Variants in ANK2 observed in about 807,000 individuals in gnomAD.
The protein encoded by ANK2 is ankyrin 2.
Under a neutral mutation model 360.5 loss-of-function variants are expected in ANK2, and 83 were observed. The observed-to-expected ratio is 0.23, with a 90% CI of 0.19 to 0.28. The LOEUF is 0.28. Ranked by LOEUF, ANK2 falls within the 10% of genes least tolerant of loss-of-function variation. The pLI is 1.00. For missense variants in ANK2, 4,201 were observed against 4,795.7 expected (o/e 0.88, Z 3.66); for synonymous variants, 1,740 against 1,759.5 (o/e 0.99, Z 0.28).
At chr4:113,336,164 G>A in intron 30 of ANK2, 107 bp downstream of exon 30, 1 of 1,176,976 alleles carries the variant, frequency 8.5e-7, no homozygotes, top group East Asian at 2.5e-5. Flanking sequence ...CACCAAAAAG[G>A]AAGGTAGCAT....
At chr4:113,290,736 T>G (rs29324) in intron 20 of ANK2, among the ~76,000 whole-genome samples, 114,309 of 152,224 alleles carry the variant, frequency 0.75, 43,339 homozygotes, top group African/African-American at 0.84. Context: ...CAACTTATCT[T>G]ATCCTTCATC....
At chr4:112,943,801 G>T (rs2094390174) in intron 2 of ANK2, among the ~76,000 whole-genome samples, 1 of 152,038 alleles carries the variant, frequency 6.6e-6, no homozygotes, top group Non-Finnish European at 1.5e-5. Flanking sequence ...AACATTTGGG[G>T]GAGAGGGTAA....
chr4:113,352,139 C>T (rs1343689466), intron 37 of ANK2, among the ~76,000 whole-genome samples: 1 of 152,224 alleles, frequency 6.6e-6, no homozygotes, highest in African/African-American at 2.4e-5. Context: ...CCGCCTCTCC[C>T]AGCCGTTTTA....
chr4:112,751,746 A>T, the ANK2 span, among the ~76,000 whole-genome samples: 1 of 152,168 alleles, frequency 6.6e-6, no homozygotes, highest in Admixed American at 6.6e-5. Context: ...TCTTATCTCT[A>T]AGGTAGGAAG....
At chr4:113,244,595 CA>C (rs2041858567) in intron 9 of ANK2, among the ~76,000 whole-genome samples, 1 of 152,128 alleles carries the variant, frequency 6.6e-6, no homozygotes, top group African/African-American at 2.4e-5. Context: ...GGATTAGCTA[CA>C]ATATTGAATG....
chr4:113,371,641 T>C (rs1278648852), intron 43 of ANK2, among the ~76,000 whole-genome samples: 1 of 152,226 alleles, frequency 6.6e-6, no homozygotes, highest in Non-Finnish European at 1.5e-5. Context: ...TGGACCCTTA[T>C]TTCTCATAAC....
At chr4:112,927,294 C>T (rs1239496040) in intron 2 of ANK2, among the ~76,000 whole-genome samples, 1 of 152,160 alleles carries the variant, frequency 6.6e-6, no homozygotes, top group Admixed American at 6.5e-5. Flanking sequence ...AAATCCTTTA[C>T]TTATATCATC....
rs143431982 is a variant in ANK2, at chr4:113,150,938, T to C, written c.85-23478T>C. ...TAGGAGAATCAATTAGGTTGTAGTC[T>C]GCATATCATAAGCTCTATTTTCTTT... is the stretch of plus-strand genomic sequence containing the variant. On this transcript the variant is annotated intron_variant, in intron 1 of 45. Transcript: ENST00000357077. The C allele has an allele frequency of 7.1e-4, 395 of 556,528 alleles. 3 individuals are homozygous for C. The East Asian group carries it at 0.014, about 20-fold the overall frequency. 34.5% of individuals were successfully genotyped at this position (556,528 alleles called of 1,614,324 possible).
At chr4:113,067,998 G>A (rs535237860) in intron 1 of ANK2, among the ~76,000 whole-genome samples, 1 of 152,312 alleles carries the variant, frequency 6.6e-6, no homozygotes, top group South Asian at 2.1e-4. Flanking sequence ...TTTTCCTAAG[G>A]ATGCTCTTAA....
intron 1 of ANK2, among the ~76,000 whole-genome samples, chr4:113,060,928 G>A (rs986393612): frequency 3.3e-5 from 5 of 151,982 alleles, no homozygotes; most frequent in Non-Finnish European, 7.4e-5. Flanking sequence ...TCTAATATAA[G>A]GGGGAATTTG....
intron 21 of ANK2, chr4:113,293,199 GCTT>G: frequency 1.5e-6 from 1 of 649,514 alleles, no homozygotes. Flanking sequence ...AGCGTCAAGT[GCTT>G]CTTATTAAAA....
At chr4:112,789,493 A>G in the ANK2 span, among the ~76,000 whole-genome samples, 2 of 152,194 alleles carry the variant, frequency 1.3e-5, no homozygotes, top group Non-Finnish European at 2.9e-5. Flanking sequence ...AGGCCTTGGA[A>G]AAAAAGAATT....
At chr4:113,095,232 T>C (rs2090477349) in intron 1 of ANK2, among the ~76,000 whole-genome samples, 1 of 152,202 alleles carries the variant, frequency 6.6e-6, no homozygotes, top group African/African-American at 2.4e-5. Context: ...AAGGTTTATA[T>C]TGATTTTCTT....
chr4:113,320,989 A>G (rs1258849335), intron 26 of ANK2, among the ~76,000 whole-genome samples: 1 of 152,148 alleles, frequency 6.6e-6, no homozygotes, highest in African/African-American at 2.4e-5. Flanking sequence ...TTAGAAACAC[A>G]CTCTATGTTG....
the ANK2 span, among the ~76,000 whole-genome samples, chr4:112,794,179 G>A: frequency 3.4e-3 from 515 of 152,306 alleles, 2 homozygotes; most frequent in African/African-American, 0.012. Flanking sequence ...TTTAAGATAA[G>A]CTATAAAAGA....
chr4:112,861,302 C>T (rs1238556051), intron 1 of ANK2, among the ~76,000 whole-genome samples: 1 of 152,146 alleles, frequency 6.6e-6, no homozygotes, highest in Non-Finnish European at 1.5e-5. Context: ...GGGCTACTTC[C>T]TGGGTTGGAA....
chr4:113,303,210 T>C (rs899813163), intron 23 of ANK2, among the ~76,000 whole-genome samples: 12 of 152,332 alleles, frequency 7.9e-5, no homozygotes, highest in African/African-American at 2.9e-4. Flanking sequence ...CAAATGACTT[T>C]AAGTAAAGAC....
At chr4:112,863,622 A>T (rs1170633710) in intron 1 of ANK2, among the ~76,000 whole-genome samples, 1 of 142,626 alleles carries the variant, frequency 7.0e-6, no homozygotes, top group Non-Finnish European at 1.5e-5. Flanking sequence ...TCCCGGGTTC[A>T]CGCCATTCTC....
chr4:113,348,770 C>T (rs2095170104), intron 36 of ANK2, among the ~76,000 whole-genome samples: 1 of 152,018 alleles, frequency 6.6e-6, no homozygotes, highest in African/African-American at 2.4e-5. Context: ...ATGATATTGC[C>T]ACTCTGGCAA....
Sources: allele counts gnomAD v4.1 joint callset (sites outside exome capture counted in the v4.1 genomes callset), GRCh38; gene constraint gnomAD v4.1.1; transcripts MANE v1.5; gene names NCBI Gene and HGNC (gene_info 2026-07-23, HGNC 2026-07-21).